The following BAZ2B variants were observed in gnomAD, a reference collection of about 807,000 sequenced individuals.
The protein encoded by BAZ2B is bromodomain adjacent to zinc finger domain 2B.
A neutral mutation model predicts 246.0 loss-of-function variants in BAZ2B; 91 were observed. The observed-to-expected ratio is 0.37, with a 90% CI of 0.31 to 0.44. The LOEUF is 0.44. BAZ2B is among the 20% of genes least tolerant of loss of function. BAZ2B has a pLI of 1.00. For synonymous variants in BAZ2B, 855 were observed against 860.0 expected, an observed-to-expected ratio of 0.99 and a Z score of 0.10; for missense variants, 2,332 against 2,533.7, an observed-to-expected ratio of 0.92 and a Z score of 1.71.
At chr2:159,712,211 T>G in the BAZ2B span, 1 of 151,306 alleles carries the variant, frequency 6.6e-6, no homozygotes. Context: ...TCAGAGACTA[T>G]AGACGGGCGG....
chr2:159,484,741 C>T (rs1177014960), intron 2 of BAZ2B, among the ~76,000 whole-genome samples: 1 of 152,108 alleles, frequency 6.6e-6, no homozygotes, highest in African/African-American at 2.4e-5. Context: ...GAGACCAAGA[C>T]ACGTTGCCTG....
At chr2:159,385,739 C>A (rs2062572796) in intron 22 of BAZ2B, among the ~76,000 whole-genome samples, 1 of 152,012 alleles carries the variant, frequency 6.6e-6, no homozygotes, top group African/African-American at 2.4e-5. Flanking sequence ...GGTTAAAAAA[C>A]AGTATTGTTT....
At chr2:159,413,533 C>G (rs1279989728) in intron 13 of BAZ2B, among the ~76,000 whole-genome samples, 1 of 151,972 alleles carries the variant, frequency 6.6e-6, no homozygotes, top group Non-Finnish European at 1.5e-5. Flanking sequence ...CATGGTGAAA[C>G]CCCGTCTCTA....
At chr2:159,650,233 GT>G in the BAZ2B span, among the ~76,000 whole-genome samples, 2 of 148,502 alleles carry the variant, frequency 1.3e-5, no homozygotes, top group Non-Finnish European at 3.0e-5. Flanking sequence ...ATGCCTGCTA[GT>G]TTTTTTTACT....
intron 27 of BAZ2B, among the ~76,000 whole-genome samples, chr2:159,363,954 G>A (rs2059970434): frequency 6.6e-6 from 1 of 152,154 alleles, no homozygotes; most frequent in Admixed American, 6.5e-5. Flanking sequence ...GAGATACTCT[G>A]CATTATCTTG....
chr2:159,516,014 A>T (rs867871693), intron 2 of BAZ2B, among the ~76,000 whole-genome samples: 1 of 152,164 alleles, frequency 6.6e-6, no homozygotes, highest in South Asian at 2.1e-4. Context: ...CAATGTCTTT[A>T]TTTAATAAAG....
rs778120125 is a variant in BAZ2B at position 159,432,779 on chromosome 2, ATCATCT to A, written c.1872_1877del (p.Glu624_Asp625del). On this transcript the variant is annotated inframe_deletion, in exon 9 of 37. Coordinates refer to ENST00000392783, the MANE Select transcript of BAZ2B (RefSeq NM_013450.4). ...AACCTGATTGGCTGTCATCAGATTC[ATCATCT>A]TCATCATCTTCCTCATCTTCTTCTT... 6.2e-7 allele frequency: 1 copy of A among 1,612,572 alleles called. No homozygotes were observed. The highest frequency in any genetic ancestry group is 8.5e-7 in the Non-Finnish European group (1 of 1,178,784).
At position 159,404,854 on chromosome 2, in the gene BAZ2B, G is replaced by C. The variant is rs750725395; in HGVS notation, c.2827C>G (p.Gln943Glu). The C allele has an allele frequency of 1.2e-6, 2 of 1,612,292 alleles. No individual in the cohort carries two copies. The highest frequency in any genetic ancestry group is 1.7e-6 in the Non-Finnish European group (2 of 1,179,600). The change falls in exon 16 of 37, where the codon CAG (glutamine) becomes GAG (glutamate). Residue 943 changes from glutamine (Q) to glutamate (E), a missense_variant. This residue lies in a region of BAZ2B where 651 missense variants were observed against 650.9 expected (regional missense o/e 1.00). Transcript: ENST00000392783. ...KQKEQIKIMK[Q>E]QEKIKRIQQI... The stretch of plus-strand genomic sequence containing the variant: ...CTTCCAATGTATACACATACCTGCT[G>C]TTTCATAATCTTTATCTGTTCTTTT...
chr2:159,618,118 T>TC (rs1239443753), upstream of BAZ2B, among the ~76,000 whole-genome samples: 2 of 152,220 alleles, frequency 1.3e-5, no homozygotes, highest in African/African-American at 4.8e-5. Flanking sequence ...TGATTTTTTT[T>TC]CCCTGCCACA....
Position 159,374,876 on chromosome 2 carries a change from T to C in BAZ2B, c.4006-123A>G, listed in dbSNP as rs571794036. 322 of 761,604 alleles carry C rather than the reference T, an allele frequency of 4.2e-4. No individual in the cohort carries two copies. In the African/African-American group the frequency reaches 4.9e-3, roughly 12 times the overall value. The allele number at this position is 761,604 out of a possible 1,614,324, so 47.2% of individuals were successfully genotyped here. ...GGTATTAAGACTCAGTTCTTTTCTA[T>C]AAACTAATAATCTGGTAGAGAGATA... On this transcript the variant is annotated intron_variant, in intron 25 of 36. Coordinates refer to ENST00000392783, the MANE Select transcript of BAZ2B (RefSeq NM_013450.4).
chr2:159,391,847 C>A (rs772277379), intron 20 of BAZ2B, among the ~76,000 whole-genome samples: 2 of 152,112 alleles, frequency 1.3e-5, no homozygotes, highest in Non-Finnish European at 2.9e-5. Flanking sequence ...CAGTTAAAGA[C>A]AAGCATTTAT....
the BAZ2B span, among the ~76,000 whole-genome samples, chr2:159,648,980 G>A: frequency 2.6e-5 from 4 of 152,156 alleles, no homozygotes; most frequent in African/African-American, 9.7e-5. Flanking sequence ...TAGCCAAAAT[G>A]AGGGGGTAGT....
intron 1 of BAZ2B, among the ~76,000 whole-genome samples, chr2:159,584,988 A>G (rs1453386160): frequency 6.6e-6 from 1 of 152,182 alleles, no homozygotes; most frequent in African/African-American, 2.4e-5. Context: ...ACCTCCCCAG[A>G]AGCAGATGCC....
intron 1 of BAZ2B, among the ~76,000 whole-genome samples, chr2:159,558,905 A>G (rs1290099478): frequency 6.6e-6 from 1 of 152,152 alleles, no homozygotes; most frequent in Non-Finnish European, 1.5e-5. Flanking sequence ...TTCTCTCTAA[A>G]CTAACCTTCT....
chr2:159,550,032 C>G (rs1333949030), intron 2 of BAZ2B, among the ~76,000 whole-genome samples: 1 of 152,022 alleles, frequency 6.6e-6, no homozygotes, highest in African/African-American at 2.4e-5. Context: ...CCATGTCGGC[C>G]AAGCTGGTCT....
chr2:159,626,900 A>G, the BAZ2B span, among the ~76,000 whole-genome samples: 23 of 152,192 alleles, frequency 1.5e-4, no homozygotes, highest in Admixed American at 1.4e-3. Context: ...GAAAAGATCA[A>G]CAAAAGAGAT....
chr2:159,460,441 A>G (rs1436620183), intron 3 of BAZ2B: 1 of 152,106 alleles, frequency 6.6e-6, no homozygotes, highest in Non-Finnish European at 1.5e-5. Context: ...ACATAACTTC[A>G]CGTTTTTCTG....
At chr2:159,344,992 C>A (rs929076709) in intron 31 of BAZ2B, among the ~76,000 whole-genome samples, 4 of 152,010 alleles carry the variant, frequency 2.6e-5, no homozygotes, top group Non-Finnish European at 2.9e-5. Context: ...GGCAGATGAT[C>A]TGAGGTCGGG....
intron 30 of BAZ2B, among the ~76,000 whole-genome samples, chr2:159,348,149 T>C (rs1207032717): frequency 6.6e-6 from 1 of 151,180 alleles, no homozygotes; most frequent in Non-Finnish European, 1.5e-5. Context: ...TGAGGCCCTG[T>C]CTCTACAAAA....
Sources: gnomAD v4.1 joint callset for allele counts (sites outside exome capture counted in the v4.1 genomes callset) on GRCh38, gnomAD v4.1.1 for gene constraint, gnomAD v4.1.1 regional missense constraint, MANE v1.5 for transcripts, NCBI Gene and HGNC (gene_info 2026-07-23, HGNC 2026-07-21) for gene names.